The following SLC25A12 variants were observed in gnomAD, a reference collection of about 807,000 sequenced individuals.
The protein encoded by SLC25A12 is solute carrier family 25 member 12.
A neutral mutation model predicts 83.3 loss-of-function variants in SLC25A12; 32 were observed. The ratio of observed to expected loss-of-function variants is 0.38; its 90% CI spans 0.29 to 0.52. SLC25A12 has a LOEUF of 0.52. Ranked by LOEUF, SLC25A12 falls within the 20% of genes least tolerant of loss-of-function variation. The pLI is 0.84. For synonymous variants in SLC25A12, 267 were observed against 291.1 expected, an observed-to-expected ratio of 0.92 and a Z score of 0.84; for missense variants, 611 against 835.6, an observed-to-expected ratio of 0.73 and a Z score of 3.31.
chr2:171,824,049 C>G (rs1214622943), intron 9 of SLC25A12, among the ~76,000 whole-genome samples: 4 of 152,110 alleles, frequency 2.6e-5, no homozygotes, highest in Admixed American at 1.3e-4. Context: ...GATCCCTGTA[C>G]TATCTCACTG....
chr2:171,785,586 A>C, intron 17 of SLC25A12, 111 bp from the exon 18 acceptor site: 1 of 957,572 alleles, frequency 1.0e-6, no homozygotes, highest in Non-Finnish European at 1.7e-6. Context: ...TGTTTCTCTC[A>C]ACCATTTCCA....
intron 3 of SLC25A12, among the ~76,000 whole-genome samples, chr2:171,864,700 T>C (rs776073952): frequency 1.4e-4 from 22 of 152,190 alleles, no homozygotes; most frequent in Non-Finnish European, 3.1e-4. Context: ...AAGCTTGTAC[T>C]CATCCTGCCA....
chr2:171,894,133 G>C (rs184773360), intron 1 of SLC25A12, 70 bp downstream of exon 1: 14 of 1,561,036 alleles, frequency 9.0e-6, no homozygotes, highest in East Asian at 7.1e-5. Context: ...GGGAAGCAGT[G>C]GGGGGCTGCA....
chr2:171,799,596 A>G lies in SLC25A12; in HGVS notation c.1306-5829T>C, dbSNP rs140668366. 3.1e-4 allele frequency among the ~76,000 whole-genome samples: 47 copies of G among 152,288 alleles called. No individual in the cohort carries two copies. In the East Asian group the frequency reaches 8.7e-3, roughly 28 times the overall value. ...GGGTGTGTGTATGTGGTGTGTGTAG[A>G]CACATGCTTAAGCTGAGAAAAAGCA... On this transcript the variant is annotated intron_variant, in intron 13 of 17. Coordinates refer to ENST00000422440, the MANE Select transcript of SLC25A12 (RefSeq NM_003705.5).
chr2:171,820,188 G>A (rs1198149858), intron 9 of SLC25A12, among the ~76,000 whole-genome samples: 1 of 152,134 alleles, frequency 6.6e-6, no homozygotes, highest in Non-Finnish European at 1.5e-5. Flanking sequence ...GTTTACCTAT[G>A]TAACAAACCT....
chr2:171,862,913 G>A (rs1230379005), intron 3 of SLC25A12, among the ~76,000 whole-genome samples: 6 of 151,862 alleles, frequency 4.0e-5, no homozygotes, highest in Admixed American at 6.6e-5. Context: ...TTTCTTTTTC[G>A]TTAAGACAGA....
chr2:171,798,479 C>T (rs1187124271), intron 13 of SLC25A12, among the ~76,000 whole-genome samples: 3 of 152,176 alleles, frequency 2.0e-5, no homozygotes, highest in Non-Finnish European at 4.4e-5. Context: ...ATCTAAGCAA[C>T]TCATTATAAA....
intron 15 of SLC25A12, among the ~76,000 whole-genome samples, chr2:171,789,507 A>C (rs7604821): frequency 0.38 from 58,409 of 151,926 alleles, 11,884 homozygotes; most frequent in East Asian, 0.71. Context: ...GGATTACAGG[A>C]ATGAGCCACC....
chr2:171,844,568 C>T (rs1684751253), intron 4 of SLC25A12, 60 bp from the exon 5 acceptor site: 1 of 1,179,210 alleles, frequency 8.5e-7, no homozygotes, highest in Non-Finnish European at 1.3e-6. Context: ...TAAACCACTG[C>T]AATGTTCCTA....
intron 2 of SLC25A12, among the ~76,000 whole-genome samples, chr2:171,876,079 C>G (rs1256986085): frequency 6.6e-6 from 1 of 152,124 alleles, no homozygotes; most frequent in African/African-American, 2.4e-5. Context: ...GACACAGCGG[C>G]TAACAAAGAA....
chr2:171,877,847 T>C (rs1485916065), intron 2 of SLC25A12, among the ~76,000 whole-genome samples: 1 of 152,216 alleles, frequency 6.6e-6, no homozygotes, highest in East Asian at 1.9e-4. Flanking sequence ...CTTGTTTAAA[T>C]AGTTTAAGTT....
chr2:171,880,343 C>A (rs188655086), intron 2 of SLC25A12, among the ~76,000 whole-genome samples: 88 of 152,130 alleles, frequency 5.8e-4, no homozygotes, highest in African/African-American at 2.0e-3. Context: ...AGTGCAGTGG[C>A]GTGACCTTGG....
At chr2:171,812,361 A>G (rs1683963831) in intron 11 of SLC25A12, among the ~76,000 whole-genome samples, 1 of 152,164 alleles carries the variant, frequency 6.6e-6, no homozygotes, top group Non-Finnish European at 1.5e-5. Context: ...TCTTAGGAAG[A>G]TTTCTAAGCC....
chr2:171,833,764 T>TAA (rs1684497434), intron 8 of SLC25A12, among the ~76,000 whole-genome samples, 199 bp downstream of exon 8: 1 of 151,924 alleles, frequency 6.6e-6, no homozygotes, highest in African/African-American at 2.4e-5. Context: ...TCCATCTTCT[T>TAA]CTCCCTCTGT....
rs1190116272 is a variant in SLC25A12, at chr2:171,859,759, TACA to T, written c.210-3813_210-3811del. On this transcript the variant is annotated intron_variant, in intron 3 of 17. Coordinates refer to ENST00000422440, the MANE Select transcript of SLC25A12 (RefSeq NM_003705.5). Reference sequence around the variant, plus strand: ...ATGATAAAAACGTTCTGCAAATGGATACAACAATTTTTTTTTTTTGAGACGGAG... The same window carrying T: ...ATGATAAAAACGTTCTGCAAATGGATACAATTTTTTTTTTTTGAGACGGAG... 2.8e-5 allele frequency among the ~76,000 whole-genome samples: 4 copies of T among 144,670 alleles called. No homozygotes were observed. In the East Asian group the frequency reaches 1.1e-3, roughly 38 times the overall value. 94.9% of individuals were successfully genotyped at this position (144,670 alleles called of 152,430 possible). A position where few individuals can be genotyped will look rare whatever the true frequency, so the allele number is the denominator to read the frequency against.
At chr2:171,871,972 T>C (rs939900912) in intron 2 of SLC25A12, among the ~76,000 whole-genome samples, 9 of 57,988 alleles carry the variant, frequency 1.6e-4, no homozygotes, top group African/African-American at 2.8e-4. Context: ...ACTTGTGCTA[T>C]AGAACAAAAA....
chr2:171,822,550 A>AT (rs1684215606), intron 9 of SLC25A12, among the ~76,000 whole-genome samples: 1 of 151,960 alleles, frequency 6.6e-6, no homozygotes, highest in Non-Finnish European at 1.5e-5. Flanking sequence ...TGCCTGGCTA[A>AT]TTTTTTGTAT....
chr2:171,834,360 C>A, intron 7 of SLC25A12: 1 of 425,224 alleles, frequency 2.4e-6, no homozygotes, highest in Non-Finnish European at 4.2e-6. Context: ...AGTTATAATA[C>A]AAAAAAAGTG....
intron 2 of SLC25A12, among the ~76,000 whole-genome samples, chr2:171,870,267 T>C (rs1685431483): frequency 6.6e-6 from 1 of 152,168 alleles, no homozygotes; most frequent in Non-Finnish European, 1.5e-5. Context: ...ATCCATGACT[T>C]GGCTCAAAAT....
Sources: gnomAD v4.1 joint callset for allele counts (sites outside exome capture counted in the v4.1 genomes callset) on GRCh38, gnomAD v4.1.1 for gene constraint, MANE v1.5 for transcripts, NCBI Gene and HGNC (gene_info 2026-07-23, HGNC 2026-07-21) for gene names.